BRICD5: variants seen among roughly 807,000 people sequenced by gnomAD.
BRICD5 encodes BRICHOS domain containing 5, also known as BRICHOS domain-containing protein 5.
In BRICD5, 51 loss-of-function variants were observed where a neutral mutation model predicts 28.4. That is an observed-to-expected ratio of 1.80 (90% CI 1.43 to 2.27). The LOEUF (loss-of-function observed/expected upper bound fraction) is 2.27. Among genes scored for constraint, BRICD5 ranks in the 30% most tolerant of loss-of-function variants. The probability of loss-of-function intolerance (pLI) is 0.00; values close to 1 mark genes in which losing one functional copy is unlikely to be tolerated. For missense variants in BRICD5, 456 were observed against 309.6 expected (o/e 1.47, Z -3.55); for synonymous variants, 177 against 130.2 (o/e 1.36, Z -2.44).
chr16:2,209,365 G>A lies in BRICD5; in HGVS notation c.684C>T (p.Asp228=). Residue 228 remains aspartate (D), a synonymous_variant, in exon 6 of 6, where the codon GAC becomes GAT. Transcript: ENST00000328540. ...CVSVCFYYLP[D] ...CAGGCTGGGCCAGGTCGGGGGCTCAGTCTGGGAGGTAATAAAAGCAGACCG... is the reference window on the plus strand; with the variant it reads ...CAGGCTGGGCCAGGTCGGGGGCTCAATCTGGGAGGTAATAAAAGCAGACCG... 1.2e-6 allele frequency: 2 copies of A among 1,612,294 alleles called. No homozygotes were observed. The highest frequency in any genetic ancestry group is 1.1e-5 in the South Asian group (1 of 91,048).
chr16:2,210,610 C>T lies in BRICD5; in HGVS notation c.92G>A (p.Ser31Asn), dbSNP rs1226757565. Residue 31 changes from serine (S) to asparagine (N), a missense_variant, in exon 2 of 6, where the codon AGC becomes AAC. By Grantham distance (46) the Ser-to-Asn change is conservative. Transcript: ENST00000328540. ...KPSCGGWRAV[S>N]LLLLLLLLVL... ...CAGCAGCAGCAGCAGCAGGAGCAGG[C>T]TCACGGCTCTCCAGCCCCCGCAGGA... The T allele has an allele frequency of 1.2e-6, 2 of 1,612,422 alleles. No individual in the cohort carries two copies. The highest frequency in any genetic ancestry group is 3.3e-5 in the Admixed American group (2 of 59,922).
intron 2 of BRICD5, 96 bp from the exon 3 acceptor site, chr16:2,210,377 C>T: frequency 6.5e-7 from 1 of 1,531,204 alleles, no homozygotes; most frequent in Non-Finnish European, 8.8e-7. Flanking sequence ...CTGAGTGGGC[C>T]CTTCCACCCC....
chr16:2,210,150 C>T lies in BRICD5; in HGVS notation c.312G>A (p.Trp104Ter), dbSNP rs1160947248. The T allele has an allele frequency of 1.2e-6, 2 of 1,609,214 alleles. No homozygotes were observed. Among genetic ancestry groups the T allele is most frequent in the Non-Finnish European group, 1.7e-6 (2 of 1,178,790 alleles). Residue 104 changes from tryptophan to a stop codon, truncating the protein, a stop_gained, in exon 3 of 6, where the codon TGG (tryptophan) becomes TGA (stop). Transcript: ENST00000328540. LOFTEE classifies it high-confidence loss of function. ...TVTPPQSNHS[W>*]AVLFDGQSGC... ...CGCTCTGCCCGTCGAACAGCACCGC[C>T]CAGCTGTGGTTGCTCTGAGGTGGGG...
Position 2,210,545 on chromosome 16 carries a change from C to G in BRICD5, c.157G>C (p.Gly53Arg), listed in dbSNP as rs759430525. 4 of 1,612,108 alleles carry G rather than the reference C, an allele frequency of 2.5e-6. No individual in the cohort carries two copies. Among genetic ancestry groups the G allele is most frequent in the Non-Finnish European group, 3.4e-6 (4 of 1,179,460 alleles). Reference protein sequence around the residue: ...AVGVVAGGLLGSAQGPPKPRL... With the variant: ...AVGVVAGGLLRSAQGPPKPRL... ...ACCTTGGGAGGGCCCTGAGCAGAGC[C>G]AAGAAGCCCTCCAGCCACAACCCCC... is the stretch of plus-strand genomic sequence containing the variant. The change falls in exon 2 of 6, where the codon GGC (glycine) becomes CGC (arginine). Residue 53 changes from glycine (G) to arginine (R), a missense_variant. Gly to Arg is a moderately radical substitution (Grantham distance 125, BLOSUM62 -2). Coordinates refer to ENST00000328540, the MANE Select transcript of BRICD5 (RefSeq NM_182563.4).
At chr16:2,210,856 TGCCGATTGTCTGC>T (rs774404684) in exon 1 of BRICD5, 11 of 1,600,140 alleles carry the variant, frequency 6.9e-6, no homozygotes, top group African/African-American at 1.3e-4. Context: ...GCTCACAATG[TGCCGATTGTCTGC>T]GTCCCTTGTC....
chr16:2,209,717 G>C lies in BRICD5; in HGVS notation c.439-11C>G, dbSNP rs2093364081. ...CCAAGCCTCTTGGACCTGTTGAGAA[G>C]GCTCTGGTGGGCGGTGGGACAGGGC... On this transcript the variant is annotated splice_polypyrimidine_tract_variant and intron_variant, in intron 4 of 5. Transcript: ENST00000328540. 2 of 1,596,488 alleles carry C rather than the reference G, an allele frequency of 1.3e-6. No individual in the cohort carries two copies. Among genetic ancestry groups the C allele is most frequent in the African/African-American group, 2.7e-5 (2 of 74,358 alleles).
intron 5 of BRICD5, 35 bp downstream of exon 5, chr16:2,209,518 G>C: frequency 6.2e-7 from 1 of 1,612,602 alleles, no homozygotes; most frequent in South Asian, 1.1e-5. Flanking sequence ...ACCATCCCGA[G>C]GGCCTGGCCT....
chr16:2,210,667 G>C lies in BRICD5; in HGVS notation c.52-17C>G, dbSNP rs1431970853. On this transcript the variant is annotated splice_polypyrimidine_tract_variant and intron_variant, in intron 1 of 5. Coordinates refer to ENST00000328540, the MANE Select transcript of BRICD5 (RefSeq NM_182563.4). ...GGTCTTCACCTGGGCGTGCATCAGG[G>C]TCAGAAGGGTCATGAGGGTTAGACA... The C allele has an allele frequency of 1.2e-6, 2 of 1,610,692 alleles. No homozygotes were observed. Among genetic ancestry groups the C allele is most frequent in the Admixed American group, 3.3e-5 (2 of 59,808 alleles).
chr16:2,210,170 G>A lies in BRICD5; in HGVS notation c.292C>T (p.Pro98Ser). Residue 98 changes from proline to serine, a missense_variant, in exon 3 of 6, where the codon CCT (proline) becomes TCT (serine). Transcript: ENST00000328540. Reference protein sequence around the residue: ...RNAATITVTPPQSNHSWAVLF... With the variant: ...RNAATITVTPSQSNHSWAVLF... ...ACCGCCCAGCTGTGGTTGCTCTGAG[G>A]TGGGGTCACTGTGATGGTCGCCGCG... is the stretch of plus-strand genomic sequence containing the variant. 1 of 1,608,002 alleles carries A rather than the reference G, an allele frequency of 6.2e-7. No homozygotes were observed. The highest frequency in any genetic ancestry group is 8.5e-7 in the Non-Finnish European group (1 of 1,178,282).
Position 2,209,350 on chromosome 16 carries a change from C to G in BRICD5, c.*12G>C. ...GGATTGGGGACGGGCCAGGCTGGGC[C>G]AGGTCGGGGGCTCAGTCTGGGAGGT... On this transcript the variant is annotated 3_prime_UTR_variant, in exon 6 of 6. Transcript: ENST00000328540. 2 of 1,606,944 alleles carry G rather than the reference C, an allele frequency of 1.2e-6. No homozygotes were observed. The highest frequency in any genetic ancestry group is 1.7e-6 in the Non-Finnish European group (2 of 1,174,860).
chr16:2,209,405 C>T lies in BRICD5; in HGVS notation c.644G>A (p.Ser215Asn), dbSNP rs200527596. Reference protein sequence around the residue: ...IYLCIDICFPSNICVSVCFYY... With the variant: ...IYLCIDICFPNNICVSVCFYY... ...AAAGCAGACCGACACGCAGATGTTG[C>T]TCGGGAAGCAGATGTCGATGCAGAG... Residue 215 changes from serine (S) to asparagine (N), a missense_variant, in exon 6 of 6, where the codon AGC becomes AAC. Coordinates refer to ENST00000328540, the MANE Select transcript of BRICD5 (RefSeq NM_182563.4). 46 of 1,613,818 alleles carry T rather than the reference C, an allele frequency of 2.9e-5. No homozygotes were observed. The African/African-American group carries it at 3.9e-4, about 14-fold the overall frequency.
rs200590573 is a variant in BRICD5 at position 2,209,569 on chromosome 16, C to T, written c.576G>A (p.Trp192Ter). Residue 192 changes from tryptophan to a stop codon, truncating the protein, a stop_gained, in exon 5 of 6, where the codon TGG becomes TGA. Transcript: ENST00000328540. LOFTEE classifies it high-confidence loss of function. ...QRLCMRTPIY[W>*]ARRAEGPRRQ... The stretch of plus-strand genomic sequence containing the variant: ...CTGACTCACCCTCTGCTCGCCGGGC[C>T]CAGTAGATGGGGGTCCTCATGCACA... The T allele has an allele frequency of 1.2e-6, 2 of 1,612,106 alleles. No homozygotes were observed. The highest frequency in any genetic ancestry group is 1.7e-6 in the Non-Finnish European group (2 of 1,179,956).
At chr16:2,209,806 C>G (rs995393896) in intron 4 of BRICD5, 100 bp from the exon 5 acceptor site, 100 of 1,403,150 alleles carry the variant, frequency 7.1e-5, no homozygotes, top group Non-Finnish European at 9.3e-5. Flanking sequence ...TCCCCACCCT[C>G]AGCTCTTGTC....
At position 2,210,023 on chromosome 16, in the gene BRICD5, T is replaced by C; in HGVS notation, c.365A>G (p.His122Arg). 6.4e-7 allele frequency: 1 copy of C among 1,574,744 alleles called. No individual in the cohort carries two copies. The highest frequency in any genetic ancestry group is 1.3e-5 in the African/African-American group (1 of 74,362). ...SGCICYRPEEHQVCFLRLMED... is the reference protein window; with the variant it reads ...SGCICYRPEERQVCFLRLMED... Reference sequence around the variant, plus strand: ...CATCAGGCGGAGGAAGCAGACCTGGTGCTCCTCAGGGCGGTAACAGATGCA... The same window carrying C: ...CATCAGGCGGAGGAAGCAGACCTGGCGCTCCTCAGGGCGGTAACAGATGCA... The change falls in exon 4 of 6, where the codon CAC becomes CGC. Residue 122 changes from histidine to arginine, a missense_variant. Transcript: ENST00000328540.
Sources: gnomAD v4.1 joint callset for allele counts on GRCh38, gnomAD v4.1.1 for gene constraint, MANE v1.5 for transcripts, NCBI Gene and HGNC (gene_info 2026-07-23, HGNC 2026-07-21) for gene names.